The following ACTMAP variants were observed in gnomAD, a reference collection of about 807,000 sequenced individuals.
ACTMAP encodes UPF0692 protein C19orf54.
At chr19:40,749,349 G>A in the ACTMAP span, 3 of 901,540 alleles carry the variant, frequency 3.3e-6, no homozygotes, top group South Asian at 3.4e-5. Flanking sequence ...CACCATGGAA[G>A]AGATCTAGGT....
the ACTMAP span, chr19:40,744,567 A>C: frequency 9.9e-6 from 16 of 1,613,370 alleles, no homozygotes; most frequent in African/African-American, 5.3e-5. Flanking sequence ...ACCTGAGAAC[A>C]TCTCTCCCTG....
the ACTMAP span, chr19:40,743,982 C>T: frequency 1.2e-6 from 2 of 1,614,050 alleles, no homozygotes; most frequent in South Asian, 1.1e-5. Context: ...GTAGCTGGTG[C>T]TGGCATTAAG....
At chr19:40,749,562 A>G in the ACTMAP span, 3 of 1,551,352 alleles carry the variant, frequency 1.9e-6, no homozygotes, top group East Asian at 2.4e-5. Context: ...GGCCTCCTTC[A>G]GGAGCTGGCT....
chr19:40,744,574 C>A, the ACTMAP span: 8 of 1,613,592 alleles, frequency 5.0e-6, no homozygotes, highest in Non-Finnish European at 6.8e-6. Context: ...AACATCTCTC[C>A]CTGGGCCGTG....
the ACTMAP span, chr19:40,744,303 T>C: frequency 2.1e-6 from 3 of 1,418,772 alleles, no homozygotes; most frequent in Admixed American, 2.4e-5. Flanking sequence ...TTCCACCCCT[T>C]GGTACAAATG....
At chr19:40,744,625 G>A in the ACTMAP span, 588 of 1,613,724 alleles carry the variant, frequency 3.6e-4, no homozygotes, top group Non-Finnish European at 3.5e-4. Context: ...CTCTCCAGGG[G>A]GACGCCACTG....
chr19:40,741,670 T>C, the ACTMAP span: 2 of 453,564 alleles, frequency 4.4e-6, no homozygotes, highest in Admixed American at 4.7e-5. Context: ...GCTGAGATAC[T>C]GACTACCTAG....
chr19:40,745,971 C>T, the ACTMAP span, among the ~76,000 whole-genome samples: 2 of 152,216 alleles, frequency 1.3e-5, no homozygotes, highest in Non-Finnish European at 2.9e-5. Context: ...CCGTGCCCGA[C>T]TCTTTTTATT....
At chr19:40,744,011 C>A in the ACTMAP span, 1 of 1,614,000 alleles carries the variant, frequency 6.2e-7, no homozygotes, top group Non-Finnish European at 8.5e-7. Flanking sequence ...GATGGTGTGG[C>A]CCTGGGACCC....
At chr19:40,744,589 C>T in the ACTMAP span, 6 of 1,613,846 alleles carry the variant, frequency 3.7e-6, no homozygotes, top group South Asian at 1.1e-5. Flanking sequence ...GCCGTGTAGC[C>T]TCTTTCCGTG....
At chr19:40,748,202 G>A in the ACTMAP span, among the ~76,000 whole-genome samples, 7 of 152,066 alleles carry the variant, frequency 4.6e-5, no homozygotes, top group African/African-American at 1.2e-4. Flanking sequence ...AGTGGCTCAC[G>A]CCTGTAATCC....
At chr19:40,743,203 C>G in the ACTMAP span, among the ~76,000 whole-genome samples, 6 of 150,836 alleles carry the variant, frequency 4.0e-5, no homozygotes, top group Non-Finnish European at 5.9e-5. Flanking sequence ...GTAATACTTA[C>G]AGAGACATGT....
At chr19:40,744,277 A>AACCCTCACCATG in the ACTMAP span, 2 of 1,457,878 alleles carry the variant, frequency 1.4e-6, no homozygotes. Context: ...CGATGCTTCC[A>AACCCTCACCATG]ACCCTCACCA....
the ACTMAP span, chr19:40,744,534 T>C: frequency 6.2e-7 from 1 of 1,612,192 alleles, no homozygotes; most frequent in Non-Finnish European, 8.5e-7. Context: ...GAAGAGATGA[T>C]GGAGCATGCA....
chr19:40,742,714 G>A, the ACTMAP span: 3 of 1,612,406 alleles, frequency 1.9e-6, no homozygotes, highest in Non-Finnish European at 2.5e-6. Context: ...AGGCCCGGCA[G>A]CTCAGGGTCC....
At chr19:40,747,861 G>A in the ACTMAP span, among the ~76,000 whole-genome samples, 1 of 151,800 alleles carries the variant, frequency 6.6e-6, no homozygotes, top group East Asian at 1.9e-4. Context: ...GCAAGACCCT[G>A]TCCCAAAAAC....
the ACTMAP span, chr19:40,740,876 T>C: frequency 2.5e-6 from 1 of 398,248 alleles, no homozygotes; most frequent in Non-Finnish European, 4.4e-6. Flanking sequence ...TAGAGCTTTT[T>C]ATTTTGCATC....
chr19:40,749,404 A>AGC, the ACTMAP span: 1 of 1,174,278 alleles, frequency 8.5e-7, no homozygotes, highest in Non-Finnish European at 1.2e-6. Flanking sequence ...GGACACGGGA[A>AGC]CCCCCCCCCC....
At chr19:40,744,590 T>TCTTTCC in the ACTMAP span, 2 of 1,613,776 alleles carry the variant, frequency 1.2e-6, no homozygotes, top group Non-Finnish European at 1.7e-6. Context: ...CCGTGTAGCC[T>TCTTTCC]CTTTCCGTGG....
Sources: gnomAD v4.1 joint callset for allele counts (sites outside exome capture counted in the v4.1 genomes callset) on GRCh38, gnomAD v4.1.1 for gene constraint, MANE v1.5 for transcripts, NCBI Gene and HGNC (gene_info 2026-07-23, HGNC 2026-07-21) for gene names.